The following EIF3A variants were observed in gnomAD, a reference collection of about 807,000 sequenced individuals.
EIF3A encodes eukaryotic translation initiation factor 3 subunit A, also known as EIF3, p180 subunit.
In EIF3A, 21 loss-of-function variants were observed where a neutral mutation model predicts 186.6. The ratio of observed to expected loss-of-function variants is 0.11; its 90% CI spans 0.08 to 0.16. The LOEUF is 0.16. EIF3A is among the 10% of genes least tolerant of loss of function. EIF3A has a pLI of 1.00. For synonymous variants in EIF3A, 563 were observed against 584.3 expected, an observed-to-expected ratio of 0.96 and a Z score of 0.52; for missense variants, 1,306 against 1,796.3, an observed-to-expected ratio of 0.73 and a Z score of 4.93.
intron 19 of EIF3A, among the ~76,000 whole-genome samples, chr10:119,038,941 GA>G (rs1050999595): frequency 9.6e-4 from 145 of 150,682 alleles, no homozygotes; most frequent in African/African-American, 3.3e-3. Flanking sequence ...AACAGGAAAA[GA>G]AAAAAAAATA....
At chr10:119,049,493 CAAA>C (rs67696743) in intron 17 of EIF3A, among the ~76,000 whole-genome samples, 2 of 112,758 alleles carry the variant, frequency 1.8e-5, no homozygotes, top group African/African-American at 3.4e-5. Context: ...GACTCTGTCT[CAAA>C]AAAAAAAAAA....
intron 14 of EIF3A, among the ~76,000 whole-genome samples, chr10:119,055,808 T>G (rs1843767824): frequency 6.6e-6 from 1 of 152,200 alleles, no homozygotes; most frequent in African/African-American, 2.4e-5. Flanking sequence ...GGCATTTTCA[T>G]CCTTAAAAAC....
intron 6 of EIF3A, among the ~76,000 whole-genome samples, chr10:119,069,208 C>T (rs1844032865): frequency 2.6e-5 from 1 of 38,626 alleles, no homozygotes; most frequent in Non-Finnish European, 2.5e-4. Flanking sequence ...TGTCTTGAGA[C>T]GTCTTAATAG....
chr10:119,041,555 G>C (rs1781503003), intron 19 of EIF3A, among the ~76,000 whole-genome samples: 1 of 152,210 alleles, frequency 6.6e-6, no homozygotes, highest in Non-Finnish European at 1.5e-5. Context: ...CTGTGCAACA[G>C]AGCAAGACCC....
chr10:119,054,354 A>G (rs1238071274), intron 14 of EIF3A, among the ~76,000 whole-genome samples: 5 of 152,144 alleles, frequency 3.3e-5, no homozygotes, highest in African/African-American at 1.2e-4. Context: ...CTTTTTCCAT[A>G]TCAGCAATAA....
rs775150243 is a variant in EIF3A, at chr10:119,038,213, A to G, written c.3728+25T>C. On this transcript the variant is annotated intron_variant, in intron 20 of 21. Transcript: ENST00000369144. ...ATGAGCCACTGCGCCCGGCCTCTAC[A>G]AATAATTTAATTAGAGCATCACACC... 9.4e-6 allele frequency: 15 copies of G among 1,603,184 alleles called. No individual in the cohort carries two copies. The Admixed American group carries it at 1.4e-4, about 15-fold the overall frequency.
Position 119,057,047 on chromosome 10 carries a change from G to C in EIF3A, c.1978-7C>G. 1 of 1,552,776 alleles carries C rather than the reference G, an allele frequency of 6.4e-7. No homozygotes were observed. The highest frequency in any genetic ancestry group is 8.8e-7 in the Non-Finnish European group (1 of 1,133,142). On this transcript the variant is annotated splice_region_variant and splice_polypyrimidine_tract_variant and intron_variant, in intron 12 of 21. Coordinates refer to ENST00000369144, the MANE Select transcript of EIF3A (RefSeq NM_003750.4). Reference sequence around the variant, plus strand: ...GATCCAATTCCTCAAGGTCCTGAAAGGTAATACAAATGCACAATTGTTAAT... The same window carrying C: ...GATCCAATTCCTCAAGGTCCTGAAACGTAATACAAATGCACAATTGTTAAT...
At chr10:119,044,668 G>A (rs1038507175) in intron 17 of EIF3A, among the ~76,000 whole-genome samples, 3 of 152,086 alleles carry the variant, frequency 2.0e-5, no homozygotes, top group African/African-American at 4.8e-5. Flanking sequence ...CTAACACGGT[G>A]AAACCCTGTC....
chr10:119,074,993 T>TC (rs1386997984), intron 1 of EIF3A, among the ~76,000 whole-genome samples: 2 of 147,108 alleles, frequency 1.4e-5, no homozygotes, highest in Non-Finnish European at 3.0e-5. Flanking sequence ...TCTTTTTTTT[T>TC]TTTTTTGACA....
chr10:119,057,646 G>T (rs1319010769), intron 12 of EIF3A, among the ~76,000 whole-genome samples: 1 of 152,000 alleles, frequency 6.6e-6, no homozygotes, highest in Admixed American at 6.6e-5. Context: ...ATGGTGGCAG[G>T]CGCCTGTAAT....
At chr10:119,039,658 G>T (rs767242171) in intron 19 of EIF3A, among the ~76,000 whole-genome samples, 11 of 151,988 alleles carry the variant, frequency 7.2e-5, no homozygotes, top group Non-Finnish European at 1.5e-4. Flanking sequence ...AGACAGTGAG[G>T]CCCCACCTCA....
Position 119,049,856 on chromosome 10 carries a change from C to T in EIF3A, c.2603G>A (p.Arg868Gln). The T allele has an allele frequency of 1.9e-6, 3 of 1,614,180 alleles. No individual in the cohort carries two copies. Among genetic ancestry groups the T allele is most frequent in the African/African-American group, 1.3e-5 (1 of 75,048 alleles). ...TCTCTCTTCCTCTCTACGCCGTTCT[C>T]GTTCTTCAATTTCCAACTCCCTTTG... ...KRQRELEIEE[R>Q]ERRREEERRL... Residue 868 changes from arginine to glutamine, a missense_variant, in exon 17 of 22, where the codon CGA becomes CAA. Around this residue, in one of 8 missense-constraint regions of EIF3A, gnomAD observed 410 missense variants for 473.5 expected, o/e 0.87. Coordinates refer to ENST00000369144, the MANE Select transcript of EIF3A (RefSeq NM_003750.4).
chr10:119,080,572 T>C, intron 1 of EIF3A, 56 bp downstream of exon 1: 1 of 1,534,764 alleles, frequency 6.5e-7, no homozygotes. Flanking sequence ...GCCCGCGCTC[T>C]CGACCTCGGA....
chr10:119,073,545 C>T lies in EIF3A; in HGVS notation c.273G>A (p.Arg91=). 1 of 1,612,974 alleles carries T rather than the reference C, an allele frequency of 6.2e-7. No individual in the cohort carries two copies. The highest frequency in any genetic ancestry group is 8.5e-7 in the Non-Finnish European group (1 of 1,179,380). The change falls in exon 3 of 22, where the codon AGG becomes AGA. Residue 91 remains arginine (R), a synonymous_variant. Transcript: ENST00000369144. ...VNIKSLEDVV[R]AYLKMAEEKT... ...TTTCCTCTGCCATTTTCAAATATGC[C>T]CTAACAACATCCTCCAGAGATTTTA...
intron 5 of EIF3A, 86 bp downstream of exon 5, chr10:119,070,800 T>C: frequency 1.1e-6 from 1 of 925,644 alleles, no homozygotes; most frequent in Admixed American, 2.0e-5. Flanking sequence ...AACCAATGCA[T>C]ACCAAGATGA....
chr10:119,061,172 G>A, intron 8 of EIF3A, 52 bp downstream of exon 8: 2 of 1,032,762 alleles, frequency 1.9e-6, no homozygotes, highest in South Asian at 1.5e-5. Context: ...ACCCAAAACT[G>A]CAAGAAGGCC....
intron 15 of EIF3A, 124 bp downstream of exon 15, chr10:119,051,075 A>G (rs1323541000): frequency 1.2e-6 from 1 of 830,102 alleles, no homozygotes; most frequent in East Asian, 2.7e-5. Flanking sequence ...AAAAATTTCT[A>G]TTATTTGAAT....
At position 119,051,310 on chromosome 10, in the gene EIF3A, C is replaced by T; in HGVS notation, c.2208G>A (p.Met736Ile). Residue 736 changes from methionine to isoleucine, a missense_variant, in exon 15 of 22, where the codon ATG becomes ATA. Physicochemically the swap from Met to Ile is conservative, Grantham distance 10. This residue lies in a region of EIF3A where 410 missense variants were observed against 473.5 expected (regional missense o/e 0.87). Coordinates refer to ENST00000369144, the MANE Select transcript of EIF3A (RefSeq NM_003750.4). ...CAAGAGCCTTTTCACGTTCTAGCTGCATTGTAGTAATCTGCAAGTACAAAT... is the reference window on the plus strand; with the variant it reads ...CAAGAGCCTTTTCACGTTCTAGCTGTATTGTAGTAATCTGCAAGTACAAAT... ...EQQEEERITTMQLEREKALEH... is the reference protein window; with the variant it reads ...EQQEEERITTIQLEREKALEH... 2.5e-6 allele frequency: 4 copies of T among 1,593,674 alleles called. No homozygotes were observed. The highest frequency in any genetic ancestry group is 3.4e-6 in the Non-Finnish European group (4 of 1,173,538).
At chr10:119,067,567 T>C (rs10749284) in intron 6 of EIF3A, among the ~76,000 whole-genome samples, 142,925 of 152,212 alleles carry the variant, frequency 0.94, 67,714 homozygotes, top group Non-Finnish European at 1. Context: ...ACACTCCATC[T>C]GGAGCAAGGA....
Sources: gnomAD v4.1 joint callset for allele counts (sites outside exome capture counted in the v4.1 genomes callset) on GRCh38, gnomAD v4.1.1 for gene constraint, gnomAD v4.1.1 regional missense constraint, MANE v1.5 for transcripts, NCBI Gene and HGNC (gene_info 2026-07-23, HGNC 2026-07-21) for gene names.